C12orf56: variants seen among roughly 807,000 people sequenced by gnomAD.
C12orf56 encodes uncharacterized protein C12orf56.
A neutral mutation model predicts 69.9 loss-of-function variants in C12orf56; 71 were observed. That is an observed-to-expected ratio of 1.02 (90% CI 0.84 to 1.24). The LOEUF (loss-of-function observed/expected upper bound fraction) is 1.24. Ranked by LOEUF, C12orf56 falls within the 50% of genes most tolerant of loss-of-function variation. C12orf56 has a pLI of 0.00. For synonymous variants in C12orf56, 276 were observed against 274.1 expected (o/e 1.01, Z -0.07); for missense variants, 732 against 738.5 (o/e 0.99, Z 0.10).
At chr12:64,331,236 C>T (rs1339620569) in intron 2 of C12orf56, among the ~76,000 whole-genome samples, 1 of 152,112 alleles carries the variant, frequency 6.6e-6, no homozygotes, top group Admixed American at 6.6e-5. Flanking sequence ...CACGGTGGCT[C>T]ACACCTGTAA....
chr12:64,371,543 G>A (rs2039570084), intron 1 of C12orf56, among the ~76,000 whole-genome samples: 1 of 151,938 alleles, frequency 6.6e-6, no homozygotes, highest in Non-Finnish European at 1.5e-5. Context: ...AGAAAATCCA[G>A]GGGGTGACCA....
rs553604263 is a variant in C12orf56, at chr12:64,374,931, C to T, written c.252+15383G>A. ...GGTGCAAACATAATTGCGGTTTTTG[C>T]ATTGTTGAAATTTGCTGTTTGATAT... On this transcript the variant is annotated intron_variant, in intron 1 of 12. Coordinates refer to ENST00000543942, the MANE Select transcript of C12orf56 (RefSeq NM_001170633.2). 2.6e-5 allele frequency among the ~76,000 whole-genome samples: 4 copies of T among 152,186 alleles called. No individual in the cohort carries two copies. In the East Asian group the frequency reaches 7.7e-4, roughly 29 times the overall value.
intron 6 of C12orf56, among the ~76,000 whole-genome samples, chr12:64,301,049 T>C (rs73116141): frequency 0.052 from 7,983 of 152,304 alleles, 314 homozygotes; most frequent in East Asian, 0.12. Context: ...CCTGTTGCCA[T>C]GTAAGACATG....
chr12:64,390,729 C>A lies in C12orf56; in HGVS notation c.-164G>T. On this transcript the variant is annotated 5_prime_UTR_variant, in exon 1 of 13. Coordinates refer to ENST00000543942, the MANE Select transcript of C12orf56 (RefSeq NM_001170633.2). The stretch of plus-strand genomic sequence containing the variant: ...GCAACTGCAGGAATCGACGCTAGGT[C>A]GGCTTCCCTGGAGCGCCCTCCCCAG... The A allele has an allele frequency of 1.9e-5, 20 of 1,054,122 alleles. No homozygotes were observed. The highest frequency in any genetic ancestry group is 2.3e-5 in the Non-Finnish European group (18 of 787,594). The allele number at this position is 1,054,122 out of a possible 1,614,324, so 65.3% of individuals were successfully genotyped here. A position where few individuals can be genotyped will look rare whatever the true frequency, so the allele number is the denominator to read the frequency against.
At position 64,284,697 on chromosome 12, in the gene C12orf56, T is replaced by G. The variant is rs1216354880; in HGVS notation, c.1277A>C (p.Glu426Ala). Residue 426 changes from glutamate to alanine, a missense_variant, in exon 8 of 13, where the codon GAG (glutamate) becomes GCG (alanine). Transcript: ENST00000543942. The stretch of plus-strand genomic sequence containing the variant: ...TGCCAATGTGTTCAGGCGTGATGAC[T>G]CGGTTTCTGTTTCTCTGAACATCAA... Reference protein sequence around the residue: ...LVLMFRETETESSRLNTLAAK... With the variant: ...LVLMFRETETASSRLNTLAAK... 1 of 1,612,582 alleles carries G rather than the reference T, an allele frequency of 6.2e-7. No individual in the cohort carries two copies.
intron 6 of C12orf56, among the ~76,000 whole-genome samples, chr12:64,293,630 A>C (rs982439475): frequency 5.3e-5 from 8 of 152,234 alleles, no homozygotes; most frequent in African/African-American, 1.7e-4. Flanking sequence ...GTGTCTAATA[A>C]GTATCACTGT....
At chr12:64,334,385 G>GA (rs2038967388) in intron 2 of C12orf56, among the ~76,000 whole-genome samples, 1 of 152,110 alleles carries the variant, frequency 6.6e-6, no homozygotes, top group Non-Finnish European at 1.5e-5. Flanking sequence ...AGTATCCATG[G>GA]AAAATCGGTT....
intron 11 of C12orf56, among the ~76,000 whole-genome samples, chr12:64,273,297 C>CAAAAA (rs201066197): frequency 8.4e-4 from 118 of 139,908 alleles, no homozygotes; most frequent in African/African-American, 3.2e-3. Flanking sequence ...GACTCTGTCT[C>CAAAAA]AAAAAAAAAA....
intron 3 of C12orf56, among the ~76,000 whole-genome samples, chr12:64,322,083 G>A (rs948383078): frequency 2.7e-5 from 4 of 150,242 alleles, no homozygotes; most frequent in East Asian, 2.0e-4. Flanking sequence ...GGGCTCAAGC[G>A]ATCCTCTAGC....
chr12:64,361,391 C>T (rs1269864845), intron 1 of C12orf56, among the ~76,000 whole-genome samples: 1 of 151,930 alleles, frequency 6.6e-6, no homozygotes, highest in Non-Finnish European at 1.5e-5. Context: ...GTTAAGGCAT[C>T]CTATAATAAG....
At chr12:64,319,821 C>T (rs530296867) in intron 3 of C12orf56, among the ~76,000 whole-genome samples, 150 of 152,286 alleles carry the variant, frequency 9.8e-4, no homozygotes, top group African/African-American at 3.4e-3. Context: ...GGATATAAAC[C>T]CAGGCATTTG....
At chr12:64,331,394 G>A (rs2038929111) in intron 2 of C12orf56, among the ~76,000 whole-genome samples, 1 of 152,138 alleles carries the variant, frequency 6.6e-6, no homozygotes, top group South Asian at 2.1e-4. Context: ...CCAGCTACTT[G>A]GGAGGCTGAG....
intron 2 of C12orf56, among the ~76,000 whole-genome samples, chr12:64,345,823 T>A (rs935948755): frequency 2.0e-5 from 3 of 152,188 alleles, no homozygotes; most frequent in African/African-American, 4.8e-5. Flanking sequence ...TTCATACAAA[T>A]GTAGTATGCA....
intron 1 of C12orf56, among the ~76,000 whole-genome samples, chr12:64,368,260 G>A (rs1189869261): frequency 2.6e-5 from 4 of 152,102 alleles, no homozygotes; most frequent in Non-Finnish European, 4.4e-5. Context: ...GAGCCACCAT[G>A]CCCAGCCTAA....
At chr12:64,386,399 T>TA (rs1555196189) in intron 1 of C12orf56, among the ~76,000 whole-genome samples, 2,820 of 81,338 alleles carry the variant, frequency 0.035, 86 homozygotes, top group African/African-American at 0.098. Context: ...TATATATATA[T>TA]TTTTTTTTTT....
rs1470496357 is a variant in C12orf56, at chr12:64,390,683, C to T, written c.-118G>A. 1 of 1,336,324 alleles carries T rather than the reference C, an allele frequency of 7.5e-7. No individual in the cohort carries two copies. The highest frequency in any genetic ancestry group is 9.6e-7 in the Non-Finnish European group (1 of 1,040,848). The allele number at this position is 1,336,324 out of a possible 1,614,324, so 82.8% of individuals were successfully genotyped here. ...CCGCCGGCCACGCGTCGCCTCCTCT[C>T]CAGGCGCGGGGACCCGGGCCGCAAC... is the stretch of plus-strand genomic sequence containing the variant. On this transcript the variant is annotated 5_prime_UTR_variant, in exon 1 of 13. Coordinates refer to ENST00000543942, the MANE Select transcript of C12orf56 (RefSeq NM_001170633.2).
chr12:64,361,666 C>T (rs959874121), intron 1 of C12orf56, among the ~76,000 whole-genome samples: 1 of 151,424 alleles, frequency 6.6e-6, no homozygotes, highest in Non-Finnish European at 1.5e-5. Flanking sequence ...CAAGAAATAA[C>T]CATAAAAATG....
intron 3 of C12orf56, among the ~76,000 whole-genome samples, chr12:64,324,241 A>G (rs2038809363): frequency 6.6e-6 from 1 of 152,236 alleles, no homozygotes; most frequent in Non-Finnish European, 1.5e-5. Context: ...CCAACACTAG[A>G]AATATATCAG....
chr12:64,277,654 G>T, intron 9 of C12orf56, 26 bp downstream of exon 9: 3 of 1,330,170 alleles, frequency 2.3e-6, no homozygotes, highest in Non-Finnish European at 2.0e-6. Context: ...ATATATAATA[G>T]TTTACCCCCC....
Sources: gnomAD v4.1 joint callset for allele counts (sites outside exome capture counted in the v4.1 genomes callset) on GRCh38, gnomAD v4.1.1 for gene constraint, MANE v1.5 for transcripts, NCBI Gene and HGNC (gene_info 2026-07-23, HGNC 2026-07-21) for gene names.